Variants in PIK3R4 observed in about 807,000 individuals in gnomAD.
PIK3R4 encodes the protein phosphoinositide 3-kinase regulatory subunit 4.
PIK3R4 carries 46 observed loss-of-function variants against 136.5 expected under a neutral mutation model. The ratio of observed to expected loss-of-function variants is 0.34; its 90% CI spans 0.27 to 0.43. The LOEUF is 0.43. PIK3R4 is among the 20% of genes least tolerant of loss of function. The pLI is 1.00. For synonymous variants in PIK3R4, 557 were observed against 566.7 expected (o/e 0.98, Z 0.24); for missense variants, 1,331 against 1,649.5 (o/e 0.81, Z 3.35).
At chr3:130,683,750 A>G (rs773260517) in intron 16 of PIK3R4, among the ~76,000 whole-genome samples, 3 of 152,188 alleles carry the variant, frequency 2.0e-5, no homozygotes, top group Admixed American at 6.5e-5. Context: ...TCAGTTCCCT[A>G]TAACTCTACA....
At position 130,734,130 on chromosome 3, in the gene PIK3R4, C is replaced by T. The variant is rs748473551; in HGVS notation, c.868G>A (p.Val290Ile). 22 of 1,596,350 alleles carry T rather than the reference C, an allele frequency of 1.4e-5. No homozygotes were observed. In the Admixed American group the frequency reaches 2.3e-4, roughly 17 times the overall value. The change falls in exon 4 of 20, where the codon GTA becomes ATA. Residue 290 changes from valine to isoleucine, a missense_variant and splice_region_variant. This residue lies in a region of PIK3R4 where 1,180 missense variants were observed against 1,407.0 expected (regional missense o/e 0.84). Coordinates refer to ENST00000356763, the MANE Select transcript of PIK3R4 (RefSeq NM_014602.3). ...GGCTCACGGTGAATCATCTGAGTTACCTATACCAAGGGAAGAAAAGGAATT... is the reference window on the plus strand; with the variant it reads ...GGCTCACGGTGAATCATCTGAGTTATCTATACCAAGGGAAGAAAAGGAATT... ...KIEDHSIRELVTQMIHREPDK... is the reference protein window; with the variant it reads ...KIEDHSIRELITQMIHREPDK...
chr3:130,735,747 A>G, intron 3 of PIK3R4, 122 bp downstream of exon 3: 3 of 762,912 alleles, frequency 3.9e-6, no homozygotes, highest in Non-Finnish European at 6.1e-6. Context: ...GGCTGTTTAT[A>G]TTAGTCTATG....
chr3:130,728,656 C>T lies in PIK3R4; in HGVS notation c.1614G>A (p.Gln538=), dbSNP rs1414287860. The change falls in exon 6 of 20, where the codon CAG becomes CAA. Residue 538 remains glutamine, a synonymous_variant. Transcript: ENST00000356763. Reference sequence around the variant, plus strand: ...CACTTAGCAAAGTAACAACTTTCTGCTGGACCATTTCATGTAAGGCTTGGA... The same window carrying T: ...CACTTAGCAAAGTAACAACTTTCTGTTGGACCATTTCATGTAAGGCTTGGA... ...TELQALHEMV[Q]QKVVTLLSDP... is the part of the protein sequence containing the mutation. 6.3e-7 allele frequency: 1 copy of T among 1,576,496 alleles called. No homozygotes were observed. The highest frequency in any genetic ancestry group is 1.8e-5 in the Admixed American group (1 of 57,050).
Position 130,728,697 on chromosome 3 carries a change from AAAAAAG to A in PIK3R4, c.1586-19_1586-14del. ...AAGGCTTGGAGCTCTAAAAAAAAAA[AAAAAAG>A]AAAGAAAGAAAGAAAGAAAAGAAAT... On this transcript the variant is annotated splice_polypyrimidine_tract_variant and intron_variant, in intron 5 of 19. Coordinates refer to ENST00000356763, the MANE Select transcript of PIK3R4 (RefSeq NM_014602.3). 1.3e-6 allele frequency: 2 copies of A among 1,498,140 alleles called. No individual in the cohort carries two copies. The highest frequency in any genetic ancestry group is 1.3e-5 in the South Asian group (1 of 78,962). The allele number at this position is 1,498,140 out of a possible 1,614,324, so 92.8% of individuals were successfully genotyped here. A position where few individuals can be genotyped will look rare whatever the true frequency, so the allele number is the denominator to read the frequency against.
At chr3:130,726,354 G>A (rs74663201) in intron 6 of PIK3R4, among the ~76,000 whole-genome samples, 6,716 of 151,874 alleles carry the variant, frequency 0.044, 242 homozygotes, top group Non-Finnish European at 0.064. Flanking sequence ...TAGCACTTAC[G>A]CCAGGCACTA....
intron 3 of PIK3R4, among the ~76,000 whole-genome samples, chr3:130,734,410 C>A (rs2066775041): frequency 6.6e-6 from 1 of 152,196 alleles, no homozygotes; most frequent in African/African-American, 2.4e-5. Flanking sequence ...AAGATTCTTA[C>A]AAACTTTTCT....
At chr3:130,695,868 T>C (rs76245483) in intron 13 of PIK3R4, among the ~76,000 whole-genome samples, 31,436 of 152,080 alleles carry the variant, frequency 0.21, 3,511 homozygotes, top group South Asian at 0.36. Flanking sequence ...TGGAGAACTA[T>C]TGTAATTCTT....
At position 130,679,328 on chromosome 3, in the gene PIK3R4, T is replaced by G; in HGVS notation, c.4064A>C (p.Lys1355Thr). The change falls in exon 20 of 20, where the codon AAG becomes ACG. Residue 1355 changes from lysine to threonine, a missense_variant. This residue lies in a region of PIK3R4 where 1,180 missense variants were observed against 1,407.0 expected (regional missense o/e 0.84). Transcript: ENST00000356763. Reference sequence around the variant, plus strand: ...AATCAGTAGGTTTTATTTCCACACCTTCACAATCCCATCTCTAGAAGCAGT... The same window carrying G: ...AATCAGTAGGTTTTATTTCCACACCGTCACAATCCCATCTCTAGAAGCAGT... ...IVTASRDGIVKVWK is the reference protein window; with the variant it reads ...IVTASRDGIVTVWK 1 of 1,602,430 alleles carries G rather than the reference T, an allele frequency of 6.2e-7. No homozygotes were observed. The highest frequency in any genetic ancestry group is 8.5e-7 in the Non-Finnish European group (1 of 1,173,304).
chr3:130,744,583 T>C lies in PIK3R4; in HGVS notation c.636A>G (p.Leu212=). 6.2e-7 allele frequency: 1 copy of C among 1,614,232 alleles called. No homozygotes were observed. The highest frequency in any genetic ancestry group is 8.5e-7 in the Non-Finnish European group (1 of 1,180,032). Residue 212 remains leucine (L), a synonymous_variant, in exon 2 of 20, where the codon TTA becomes TTG. Coordinates refer to ENST00000356763, the MANE Select transcript of PIK3R4 (RefSeq NM_014602.3). ...FVDGGMFATE[L]EYMRDPSTPL... is the part of the protein sequence containing the mutation. ...GAGTTGAAGGATCTCTCATATATTC[T>C]AACTCAGTGGCAAACATCCCACCAT...
At chr3:130,704,079 T>C (rs976848395) in intron 12 of PIK3R4, among the ~76,000 whole-genome samples, 191 bp from the exon 13 acceptor site, 3 of 152,196 alleles carry the variant, frequency 2.0e-5, no homozygotes, top group South Asian at 2.1e-4. Flanking sequence ...AGACATCAAT[T>C]TGGCAATTAA....
At chr3:130,704,420 C>A (rs1004787140) in intron 12 of PIK3R4, among the ~76,000 whole-genome samples, 6 of 152,162 alleles carry the variant, frequency 3.9e-5, no homozygotes, top group African/African-American at 1.4e-4. Context: ...ATTTATGCAA[C>A]TAATGATGCC....
At chr3:130,700,414 A>T (rs2107605737) in intron 13 of PIK3R4, among the ~76,000 whole-genome samples, 1 of 152,372 alleles carries the variant, frequency 6.6e-6, no homozygotes, top group Non-Finnish European at 1.5e-5. Context: ...TGAATGAGCC[A>T]GAAATAAGGT....
intron 7 of PIK3R4, 98 bp from the exon 8 acceptor site, chr3:130,718,632 G>A: frequency 8.3e-7 from 1 of 1,211,568 alleles, no homozygotes. Context: ...AAAGGATTTT[G>A]CCACAGTGTT....
rs767663289 is a variant in PIK3R4, at chr3:130,690,486, A to C, written c.3263+4T>G. The C allele has an allele frequency of 6.2e-7, 1 of 1,604,336 alleles. No individual in the cohort carries two copies. The highest frequency in any genetic ancestry group is 1.1e-5 in the South Asian group (1 of 89,678). On this transcript the variant is annotated splice_donor_region_variant and intron_variant, in intron 14 of 19. Transcript: ENST00000356763. The stretch of plus-strand genomic sequence containing the variant: ...ATGTTTAAGAAAGACAAAAGATAAG[A>C]TACCTGCTTTGTAGAGGATGGATTT...
chr3:130,680,748 A>AATC (rs1224485644), intron 18 of PIK3R4, 27 bp from the exon 19 acceptor site: 1 of 1,390,040 alleles, frequency 7.2e-7, no homozygotes, highest in African/African-American at 1.4e-5. Flanking sequence ...AAATGATGAC[A>AATC]ATCTCTTCAG....
At chr3:130,706,101 A>G (rs1286053678) in intron 11 of PIK3R4, among the ~76,000 whole-genome samples, 3 of 152,238 alleles carry the variant, frequency 2.0e-5, no homozygotes, top group African/African-American at 7.2e-5. Context: ...GGTTCAATTA[A>G]TGTTTTTTAT....
At chr3:130,743,585 T>C (rs2066836370) in intron 2 of PIK3R4, among the ~76,000 whole-genome samples, 1 of 152,192 alleles carries the variant, frequency 6.6e-6, no homozygotes, top group South Asian at 2.1e-4. Context: ...GGGACCAGCA[T>C]CACCATCCAC....
chr3:130,728,819 C>T (rs2066747653), intron 5 of PIK3R4, 135 bp from the exon 6 acceptor site: 1 of 549,046 alleles, frequency 1.8e-6, no homozygotes, highest in Non-Finnish European at 3.0e-6. Flanking sequence ...CCACCGAAGA[C>T]TTTAATCACC....
chr3:130,679,765 AAAG>A (rs2066444291), intron 19 of PIK3R4, among the ~76,000 whole-genome samples: 1 of 152,156 alleles, frequency 6.6e-6, no homozygotes, highest in Non-Finnish European at 1.5e-5. Context: ...TCAAAAGAAA[AAAG>A]GGATAGAATA....
Sources: gnomAD v4.1 joint callset for allele counts (sites outside exome capture counted in the v4.1 genomes callset) on GRCh38, gnomAD v4.1.1 for gene constraint, gnomAD v4.1.1 regional missense constraint, MANE v1.5 for transcripts, NCBI Gene and HGNC (gene_info 2026-07-23, HGNC 2026-07-21) for gene names.